The following ADGRB1 variants were observed in gnomAD, a reference collection of about 807,000 sequenced individuals.
The protein encoded by ADGRB1 is brain-specific angiogenesis inhibitor 1.
ADGRB1 carries 36 observed loss-of-function variants against 175.7 expected under a neutral mutation model. That is an observed-to-expected ratio of 0.20 (90% confidence interval 0.16 to 0.27). The LOEUF is 0.27. Among genes scored for constraint, ADGRB1 ranks in the 10% least tolerant of loss-of-function variants. The pLI, the probability that ADGRB1 is intolerant of heterozygous loss-of-function variation, is 1.00. For missense variants in ADGRB1, 1,731 were observed against 2,255.3 expected, an observed-to-expected ratio of 0.77 and a Z score of 4.71; for synonymous variants, 1,054 against 979.4, an observed-to-expected ratio of 1.08 and a Z score of -1.42.
Position 142,477,137 on chromosome 8 carries a change from T to G in ADGRB1, c.1081T>G (p.Ser361Ala). 7 of 1,586,116 alleles carry G rather than the reference T, an allele frequency of 4.4e-6. No individual in the cohort carries two copies. The highest frequency in any genetic ancestry group is 6.0e-6 in the Non-Finnish European group (7 of 1,173,026). ...QTGDPAAEEW[S>A]PWSVCSSTCG... ...AGGTGACCCAGCAGCCGAGGAGTGG[T>G]CCCCGTGGAGCGTGTGCTCCAGCAC... Residue 361 changes from serine to alanine, a missense_variant, in exon 5 of 31, where the codon TCC becomes GCC. Ser to Ala is a moderately conservative substitution (Grantham distance 99). Around this residue, in one of 8 missense-constraint regions of ADGRB1, gnomAD observed 178 missense variants for 227.8 expected, o/e 0.78. Coordinates refer to ENST00000517894, the MANE Select transcript of ADGRB1 (RefSeq NM_001702.3).
At position 142,510,923 on chromosome 8, in the gene ADGRB1, C is replaced by T. The variant is rs1843067384; in HGVS notation, c.2676-9C>T. 1.8e-6 allele frequency: 2 copies of T among 1,105,672 alleles called. No homozygotes were observed. The highest frequency in any genetic ancestry group is 1.7e-5 in the African/African-American group (1 of 58,814). 68.5% of individuals were successfully genotyped at this position (1,105,672 alleles called of 1,614,324 possible). ...GCCTGTCTCCCTCCCGTGTCCCGCC[C>T]GCCCCCAGACCCTCCTCCTCCGCCC... On this transcript the variant is annotated splice_polypyrimidine_tract_variant and intron_variant, in intron 17 of 30. Transcript: ENST00000517894. The surrounding 1 kb of genome is among the most constrained non-coding windows in gnomAD (Gnocchi z 6.3).
rs891007429 is a variant in ADGRB1 at position 142,456,136 on chromosome 8, C to G, written c.-220+6032C>G. ...AGAAGGGCCCCTGCACTCTGCACCCCCTCCCTGTTCCCCAGCCCCAGAGAG... is the reference window on the plus strand; with the variant it reads ...AGAAGGGCCCCTGCACTCTGCACCCGCTCCCTGTTCCCCAGCCCCAGAGAG... On this transcript the variant is annotated intron_variant, in intron 1 of 30. Coordinates refer to ENST00000517894, the MANE Select transcript of ADGRB1 (RefSeq NM_001702.3). Among the ~76,000 whole-genome samples the G allele has an allele frequency of 9.9e-5, 15 of 152,236 alleles. No homozygotes were observed. The East Asian group carries it at 1.2e-3, about 12-fold the overall frequency.
chr8:142,496,133 G>A (rs1166223483), intron 17 of ADGRB1, among the ~76,000 whole-genome samples: 1 of 145,864 alleles, frequency 6.9e-6, no homozygotes, highest in African/African-American at 2.5e-5. Flanking sequence ...GGGTGGACGG[G>A]TGAATAGGTG....
rs141210980 is a variant in ADGRB1, at chr8:142,458,515, C to T, written c.-219-5465C>T. The stretch of plus-strand genomic sequence containing the variant: ...TGGCCTGCGGTCAGTGTGTAGTGAA[C>T]GTTGGTGCCCTCTTCCCCACGCTGT... On this transcript the variant is annotated intron_variant, in intron 1 of 30. Coordinates refer to ENST00000517894, the MANE Select transcript of ADGRB1 (RefSeq NM_001702.3). Among the ~76,000 whole-genome samples the T allele has an allele frequency of 1.9e-3, 292 of 152,244 alleles. 1 individual carries two copies. The highest frequency in any genetic ancestry group is 6.2e-3 in the African/African-American group (256 of 41,550).
intron 13 of ADGRB1, among the ~76,000 whole-genome samples, chr8:142,487,852 C>T (rs1375513104): frequency 6.6e-6 from 1 of 152,244 alleles, no homozygotes; most frequent in South Asian, 2.1e-4. Context: ...CACCGTGGCC[C>T]ATACTGCCCT....
intron 25 of ADGRB1, among the ~76,000 whole-genome samples, chr8:142,536,654 G>C (rs866347392): frequency 2.0e-5 from 3 of 152,050 alleles, no homozygotes; most frequent in Non-Finnish European, 4.4e-5. Flanking sequence ...CAGGTCCAGG[G>C]ACATCTTCGG....
chr8:142,469,791 G>A (rs1178028464), intron 2 of ADGRB1, among the ~76,000 whole-genome samples: 3 of 152,104 alleles, frequency 2.0e-5, no homozygotes, highest in Non-Finnish European at 2.9e-5. Flanking sequence ...GTGTGTGCAC[G>A]TGCGTGTGCG....
chr8:142,513,646 C>T lies in ADGRB1; in HGVS notation c.2817+2573C>T, dbSNP rs962574292. On this transcript the variant is annotated intron_variant, in intron 18 of 30. Transcript: ENST00000517894. Reference sequence around the variant, plus strand: ...GCCCAGGTGGAAAGGAGGAAGGCTGCGGGTGGGCTCTGGGTGCATGGCCAC... The same window carrying T: ...GCCCAGGTGGAAAGGAGGAAGGCTGTGGGTGGGCTCTGGGTGCATGGCCAC... Among the ~76,000 whole-genome samples, 35 of 151,970 alleles carry T rather than the reference C, an allele frequency of 2.3e-4. 1 individual carries two copies. Among genetic ancestry groups the T allele is most frequent in the Non-Finnish European group, 1.6e-4 (11 of 67,976 alleles).
intron 2 of ADGRB1, among the ~76,000 whole-genome samples, chr8:142,470,513 T>G (rs892253794): frequency 1.3e-5 from 2 of 151,224 alleles, no homozygotes; most frequent in African/African-American, 4.9e-5. Flanking sequence ...TGTGTCCCTG[T>G]GTGTGTGTCC....
intron 1 of ADGRB1, among the ~76,000 whole-genome samples, chr8:142,454,130 A>G (rs867265555): frequency 6.6e-6 from 1 of 152,140 alleles, no homozygotes; most frequent in South Asian, 2.1e-4. Flanking sequence ...GGGGCGCCCC[A>G]TGGGCCGCCA....
intron 1 of ADGRB1, among the ~76,000 whole-genome samples, chr8:142,459,107 G>A (rs1587243818): frequency 6.6e-6 from 1 of 152,230 alleles, no homozygotes; most frequent in Non-Finnish European, 1.5e-5. Flanking sequence ...TGTCCTCATA[G>A]TGGAGGCCTG....
At chr8:142,534,533 G>A (rs1283027792) in intron 25 of ADGRB1, among the ~76,000 whole-genome samples, 5 of 152,162 alleles carry the variant, frequency 3.3e-5, no homozygotes, top group African/African-American at 1.2e-4. Flanking sequence ...AGGTGTGAAC[G>A]CCCCTCTCAA....
chr8:142,532,901 G>A (rs1346647293), intron 24 of ADGRB1, among the ~76,000 whole-genome samples: 1 of 152,064 alleles, frequency 6.6e-6, no homozygotes, highest in African/African-American at 2.4e-5. Flanking sequence ...TCTTCCCAAA[G>A]AGCCCTTCCC....
intron 2 of ADGRB1, among the ~76,000 whole-genome samples, chr8:142,472,625 A>G (rs556094284): frequency 6.6e-6 from 1 of 152,346 alleles, no homozygotes; most frequent in South Asian, 2.1e-4. Flanking sequence ...GGGGACACAC[A>G]TCAAAAACAA....
chr8:142,484,535 C>T (rs566503321), intron 12 of ADGRB1, 121 bp from the exon 13 acceptor site: 1 of 1,051,340 alleles, frequency 9.5e-7, no homozygotes, highest in Non-Finnish European at 1.3e-6. Context: ...GTCACCAGCC[C>T]CACTTCCTCA....
rs1296655425 is a variant in ADGRB1, at chr8:142,478,271, C to T, written c.1472C>T (p.Thr491Met). Residue 491 changes from threonine to methionine, a missense_variant, in exon 7 of 31, where the codon ACG (threonine) becomes ATG (methionine). Coordinates refer to ENST00000517894, the MANE Select transcript of ADGRB1 (RefSeq NM_001702.3). ...ASCSQGRQQR[T>M]RECNGPSYGG... ...TGCTCCCAGGGCCGACAGCAGCGCA[C>T]GCGTGAATGCAACGGGCCTTCCTAC... 5.0e-6 allele frequency: 8 copies of T among 1,610,062 alleles called. No homozygotes were observed. The highest frequency in any genetic ancestry group is 4.4e-5 in the South Asian group (4 of 90,310).
At chr8:142,469,582 T>TGTGTGAATGTGTGTGTGCAC (rs1840519151) in intron 2 of ADGRB1, among the ~76,000 whole-genome samples, 3 of 147,784 alleles carry the variant, frequency 2.0e-5, no homozygotes, top group African/African-American at 7.8e-5. Flanking sequence ...CATGTGTGCA[T>TGTGTGAATGTGTGTGTGCAC]GTGTGAATGT....
Position 142,490,829 on chromosome 8 carries a change from G to T in ADGRB1, c.2675+14G>T, listed in dbSNP as rs772358641. On this transcript the variant is annotated intron_variant, in intron 17 of 30. Coordinates refer to ENST00000517894, the MANE Select transcript of ADGRB1 (RefSeq NM_001702.3). ...TGAGACGGATGTGTAAGTTCACTTG[G>T]ATTTCATGGCCGTGGGGGTCTGGGG... The T allele has an allele frequency of 6.3e-7, 1 of 1,575,804 alleles. No homozygotes were observed. The highest frequency in any genetic ancestry group is 8.6e-7 in the Non-Finnish European group (1 of 1,160,378).
intron 17 of ADGRB1, among the ~76,000 whole-genome samples, chr8:142,505,641 G>A (rs72689044): frequency 0.069 from 10,530 of 152,280 alleles, 476 homozygotes; most frequent in Middle Eastern, 0.1. Flanking sequence ...GGGTGAGGGA[G>A]GTTGGGGCCA....
Sources: gnomAD v4.1 joint callset for allele counts (sites outside exome capture counted in the v4.1 genomes callset) on GRCh38, gnomAD v4.1.1 for gene constraint, gnomAD v4.1.1 regional missense constraint, Gnocchi (gnomAD v3.1) non-coding constraint, MANE v1.5 for transcripts, NCBI Gene and HGNC (gene_info 2026-07-23, HGNC 2026-07-21) for gene names.